TXNDC16: variants seen among roughly 807,000 people sequenced by gnomAD.
The protein encoded by TXNDC16 is thioredoxin domain-containing protein 16.
A neutral mutation model predicts 85.6 loss-of-function variants in TXNDC16; 74 were observed. The ratio of observed to expected loss-of-function variants is 0.86; its 90% CI spans 0.72 to 1.05. The LOEUF (loss-of-function observed/expected upper bound fraction) is 1.05, where lower values mean the gene tolerates loss of function less well. Among genes scored for constraint, TXNDC16 ranks in the 50% least tolerant of loss-of-function variants. The probability of loss-of-function intolerance (pLI) is 0.00; values close to 1 mark genes in which losing one functional copy is unlikely to be tolerated. For synonymous variants in TXNDC16, 335 were observed against 326.5 expected (o/e 1.03, Z -0.28); for missense variants, 959 against 947.0 (o/e 1.01, Z -0.17).
chr14:52,508,391 G>A (rs2036867359), intron 9 of TXNDC16, among the ~76,000 whole-genome samples: 1 of 152,154 alleles, frequency 6.6e-6, no homozygotes, highest in African/African-American at 2.4e-5. Context: ...AGTTAGAATG[G>A]CGATCATTAA....
At chr14:52,494,021 T>C (rs1208166792) in intron 9 of TXNDC16, among the ~76,000 whole-genome samples, 1 of 151,964 alleles carries the variant, frequency 6.6e-6, no homozygotes, top group African/African-American at 2.4e-5. Flanking sequence ...ACTCAGCCAA[T>C]CCACCCACCT....
Position 52,430,646 on chromosome 14 carries a change from T to G in TXNDC16, c.*1658A>C, listed in dbSNP as rs1594671486. The G allele has an allele frequency of 1.3e-5, 2 of 152,332 alleles. No homozygotes were observed. The highest frequency in any genetic ancestry group is 1.5e-5 in the Non-Finnish European group (1 of 68,030). The allele number at this position is 152,332 out of a possible 1,614,324, so 9.4% of individuals were successfully genotyped here. A position where few individuals can be genotyped will look rare whatever the true frequency, so the allele number is the denominator to read the frequency against. ...TAAAATTATGACAAACATTAATGACTGTCAAAATTGCTGACAAAGGTACAA... is the reference window on the plus strand; with the variant it reads ...TAAAATTATGACAAACATTAATGACGGTCAAAATTGCTGACAAAGGTACAA... On this transcript the variant is annotated 3_prime_UTR_variant, in exon 21 of 21. Transcript: ENST00000281741.
intron 8 of TXNDC16, 31 bp from the exon 9 acceptor site, chr14:52,511,421 A>C: frequency 2.7e-6 from 4 of 1,473,646 alleles, no homozygotes; most frequent in Non-Finnish European, 3.7e-6. Flanking sequence ...AACTTAATGA[A>C]GTTCAATATG....
chr14:52,471,758 A>G (rs2035913079), intron 14 of TXNDC16, among the ~76,000 whole-genome samples: 1 of 151,902 alleles, frequency 6.6e-6, no homozygotes, highest in African/African-American at 2.4e-5. Flanking sequence ...CTGTCTAAAC[A>G]TTATAATTTC....
chr14:52,507,035 T>C (rs2140176692), intron 9 of TXNDC16, among the ~76,000 whole-genome samples: 1 of 152,126 alleles, frequency 6.6e-6, no homozygotes, highest in East Asian at 1.9e-4. Context: ...ACCACTCTTA[T>C]TCAACATAGT....
intron 1 of TXNDC16, among the ~76,000 whole-genome samples, chr14:52,550,678 AC>A (rs111742664): frequency 6.6e-6 from 1 of 151,964 alleles, no homozygotes; most frequent in Admixed American, 6.5e-5. Context: ...AAAAAGAAAA[AC>A]CTTTTAAAGT....
chr14:52,495,775 T>C (rs2036517424), intron 9 of TXNDC16, among the ~76,000 whole-genome samples: 1 of 152,160 alleles, frequency 6.6e-6, no homozygotes, highest in Non-Finnish European at 1.5e-5. Flanking sequence ...CAAAGTTTAA[T>C]ACATCATCTA....
Position 52,457,127 on chromosome 14 carries a change from T to G in TXNDC16, c.1666A>C (p.Ile556Leu), listed in dbSNP as rs1184585578. 1 of 1,594,350 alleles carries G rather than the reference T, an allele frequency of 6.3e-7. No homozygotes were observed. The highest frequency in any genetic ancestry group is 1.4e-5 in the African/African-American group (1 of 73,658). The change falls in exon 17 of 21, where the codon ATC becomes CTC. Residue 556 changes from isoleucine (I) to leucine (L), a missense_variant. By Grantham distance (5) the Ile-to-Leu change is conservative. Transcript: ENST00000281741. ...EAGNYLKGYV[I>L]TGIYSEEDVL... is the part of the protein sequence containing the mutation. ...TCTTCTTCAGAATAAATTCCAGTGA[T>G]AACATATCCTTTTAGGTAGTTTCCT...
chr14:52,438,454 C>A (rs2035084022), intron 20 of TXNDC16, among the ~76,000 whole-genome samples: 1 of 152,168 alleles, frequency 6.6e-6, no homozygotes, highest in Non-Finnish European at 1.5e-5. Context: ...CTTCATCAGC[C>A]AAAAGGTTAC....
chr14:52,536,856 A>G (rs2037714178), intron 5 of TXNDC16, 63 bp from the exon 6 acceptor site: 1 of 1,362,786 alleles, frequency 7.3e-7, no homozygotes, highest in Non-Finnish European at 1.0e-6. Flanking sequence ...TTAGAATTCA[A>G]TTTACTTGTC....
At chr14:52,440,447 C>T in intron 19 of TXNDC16, 117 bp downstream of exon 19, 1 of 718,444 alleles carries the variant, frequency 1.4e-6, no homozygotes. Flanking sequence ...ATCATGGTGA[C>T]ATATTTGGTT....
intron 14 of TXNDC16, among the ~76,000 whole-genome samples, chr14:52,481,596 G>A (rs1340631859): frequency 1.3e-5 from 2 of 152,088 alleles, no homozygotes; most frequent in African/African-American, 4.8e-5. Flanking sequence ...CTAACCATAA[G>A]GAACTTACAT....
intron 6 of TXNDC16, among the ~76,000 whole-genome samples, chr14:52,536,503 A>G (rs532010624): frequency 6.6e-6 from 1 of 152,060 alleles, no homozygotes; most frequent in African/African-American, 2.4e-5. Flanking sequence ...GTCATCTCCT[A>G]CTCTTATAAA....
At chr14:52,551,631 C>G (rs1461675007) in intron 1 of TXNDC16, among the ~76,000 whole-genome samples, 1 of 152,004 alleles carries the variant, frequency 6.6e-6, no homozygotes, top group Non-Finnish European at 1.5e-5. Flanking sequence ...TTTAATTTTG[C>G]ACTACTTGCT....
intron 9 of TXNDC16, among the ~76,000 whole-genome samples, chr14:52,491,823 A>T (rs1443103473): frequency 6.6e-6 from 1 of 152,238 alleles, no homozygotes; most frequent in African/African-American, 2.4e-5. Context: ...AAACACATGG[A>T]TGTGAAGAAG....
At chr14:52,470,370 A>G (rs1443401688) in intron 15 of TXNDC16, 142 bp downstream of exon 15, 4 of 1,081,232 alleles carry the variant, frequency 3.7e-6, no homozygotes, top group Non-Finnish European at 1.3e-6. Flanking sequence ...GTTGAAATGT[A>G]CACAGACTTT....
rs61743877 is a variant in TXNDC16 at position 52,482,861 on chromosome 14, C to T, written c.1213G>A (p.Val405Met). 918 of 1,612,282 alleles carry T rather than the reference C, an allele frequency of 5.7e-4. 8 individuals carry two copies. In the African/African-American group the frequency reaches 0.011, roughly 20 times the overall value. ...ELTEETFNAT[V>M]MASDSIVLFY... ...AGTACTATGCTGTCAGAAGCCATCA[C>T]TGTTGCATTAAATGTTTCTTCTGTT... is the stretch of plus-strand genomic sequence containing the variant. Residue 405 changes from valine to methionine, a missense_variant, in exon 13 of 21, where the codon GTG (valine) becomes ATG (methionine). Physicochemically the swap from Val to Met is conservative, Grantham distance 21. Coordinates refer to ENST00000281741, the MANE Select transcript of TXNDC16 (RefSeq NM_020784.3).
At chr14:52,453,025 C>T (rs2035448146) in intron 18 of TXNDC16, among the ~76,000 whole-genome samples, 1 of 152,090 alleles carries the variant, frequency 6.6e-6, no homozygotes, top group African/African-American at 2.4e-5. Flanking sequence ...GGCAAAAGAT[C>T]TGAATAGACA....
chr14:52,461,217 T>G (rs1435670753), intron 16 of TXNDC16, among the ~76,000 whole-genome samples: 1 of 151,848 alleles, frequency 6.6e-6, no homozygotes, highest in Admixed American at 6.6e-5. Flanking sequence ...TTATGTTAGC[T>G]ATAATTTTGA....
Sources: allele counts gnomAD v4.1 joint callset (sites outside exome capture counted in the v4.1 genomes callset), GRCh38; gene constraint gnomAD v4.1.1; transcripts MANE v1.5; gene names NCBI Gene and HGNC (gene_info 2026-07-23, HGNC 2026-07-21).